TBL1X: variants seen among roughly 807,000 people sequenced by gnomAD.
TBL1X encodes F-box-like/WD repeat-containing protein TBL1X.
In TBL1X, 10 loss-of-function variants were observed where a neutral mutation model predicts 50.7. That is an observed-to-expected ratio of 0.20 (90% CI 0.12 to 0.33). The LOEUF (loss-of-function observed/expected upper bound fraction) is 0.33, where lower values mean the gene tolerates loss of function less well. Among genes scored for constraint, TBL1X ranks in the 10% least tolerant of loss-of-function variants. TBL1X has a pLI of 1.00. For missense variants in TBL1X, 340 were observed against 504.4 expected, an observed-to-expected ratio of 0.67 and a Z score of 3.12; for synonymous variants, 190 against 214.7, an observed-to-expected ratio of 0.88 and a Z score of 1.01.
At chrX:9,492,514 C>A (rs2081949678) in intron 1 of TBL1X, among the ~76,000 whole-genome samples, 1 of 111,756 alleles carries the variant, frequency 8.9e-6, no homozygotes. Flanking sequence ...TTGGTAATTT[C>A]TAATCATGTT....
At chrX:9,506,206 G>A (rs908408854) in intron 2 of TBL1X, among the ~76,000 whole-genome samples, 1 of 111,822 alleles carries the variant, frequency 8.9e-6, no homozygotes, top group Non-Finnish European at 1.9e-5. Flanking sequence ...TGACTCCTGG[G>A]TAAATAATGA....
intron 2 of TBL1X, among the ~76,000 whole-genome samples, chrX:9,609,575 G>A (rs1425242452): frequency 2.7e-5 from 3 of 111,247 alleles, no homozygotes; most frequent in Non-Finnish European, 5.7e-5. Context: ...TATCACATGT[G>A]TTGCTGGAGA....
At chrX:9,571,234 C>T (rs1231974597) in intron 2 of TBL1X, among the ~76,000 whole-genome samples, 1 of 111,489 alleles carries the variant, frequency 9.0e-6, no homozygotes, top group East Asian at 2.8e-4. Flanking sequence ...CTCGGAGCGT[C>T]TGTGTATGGG....
intron 1 of TBL1X, among the ~76,000 whole-genome samples, chrX:9,469,779 C>G (rs918904686): frequency 4.2e-4 from 47 of 111,961 alleles, no homozygotes; most frequent in African/African-American, 1.5e-3. Flanking sequence ...AGTCACCCCC[C>G]CCAGCCCCGA....
Position 9,665,488 on chromosome X carries a change from GCTATATATATATATATATAT to G in TBL1X, c.211+11167_211+11186del, listed in dbSNP as rs1350101487. Among the ~76,000 whole-genome samples, 4 of 15,065 alleles carry G rather than the reference GCTATATATATATATATATAT, an allele frequency of 2.7e-4. No individual in the cohort carries two copies. The East Asian group carries it at 8.5e-3, about 32-fold the overall frequency. The allele number at this position is 15,065 out of a possible 115,157, so 13.1% of individuals were successfully genotyped here. A position where few individuals can be genotyped will look rare whatever the true frequency, so the allele number is the denominator to read the frequency against. ...AACTTAATTAAAAACTGATATTCAA[GCTATATATATATATATATAT>G]ATATATATATATATATATATATATA... On this transcript the variant is annotated intron_variant, in intron 5 of 17. Transcript: ENST00000645353.
At chrX:9,515,046 G>T (rs956610409) in intron 2 of TBL1X, among the ~76,000 whole-genome samples, 1 of 111,130 alleles carries the variant, frequency 9.0e-6, no homozygotes, top group Admixed American at 9.6e-5. Flanking sequence ...TGTGTATGGG[G>T]TGTGCTCCTT....
At chrX:9,525,001 C>T (rs2082125230) in intron 2 of TBL1X, among the ~76,000 whole-genome samples, 1 of 111,783 alleles carries the variant, frequency 8.9e-6, no homozygotes, top group Admixed American at 9.4e-5. Context: ...ATCACCTGTC[C>T]TTGGAGGGAG....
intron 1 of TBL1X, among the ~76,000 whole-genome samples, chrX:9,470,382 G>A (rs12013003): frequency 2.3e-3 from 262 of 112,793 alleles, no homozygotes; most frequent in African/African-American, 7.8e-3. Context: ...AGCCTCCGGA[G>A]AAGCTGGGAC....
intron 1 of TBL1X, among the ~76,000 whole-genome samples, chrX:9,495,056 G>A (rs926652774): frequency 4.5e-5 from 5 of 111,542 alleles, no homozygotes; most frequent in African/African-American, 1.6e-4. Flanking sequence ...CCTCGTGTGT[G>A]GGATGGGCTC....
intron 2 of TBL1X, among the ~76,000 whole-genome samples, chrX:9,590,292 G>A (rs2082492806): frequency 9.0e-6 from 1 of 111,635 alleles, no homozygotes; most frequent in Non-Finnish European, 1.9e-5. Flanking sequence ...GAAGCTGGGT[G>A]GCAGTTATAT....
At chrX:9,509,986 C>T (rs986581472) in intron 2 of TBL1X, among the ~76,000 whole-genome samples, 7 of 111,534 alleles carry the variant, frequency 6.3e-5, no homozygotes, top group African/African-American at 2.0e-4. Flanking sequence ...TAGAGAGCTA[C>T]ACCTCACTTC....
In TBL1X at chrX:9,603,855, G is replaced by A. The variant is rs192741937; in HGVS notation, c.-130-36418G>A. 9.0e-3 allele frequency among the ~76,000 whole-genome samples: 992 copies of A among 110,830 alleles called. 3 individuals are homozygous for A. Among genetic ancestry groups the A allele is most frequent in the Non-Finnish European group, 0.014 (740 of 52,822 alleles). ...CCCCTTGCTGCTTTTGGTGTTGCTG[G>A]CGGTCCTTGGCTTGTGGGCACAGCA... On this transcript the variant is annotated intron_variant, in intron 2 of 17. Transcript: ENST00000645353.
At chrX:9,530,447 AATT>A (rs760385027) in intron 2 of TBL1X, among the ~76,000 whole-genome samples, 2 of 112,838 alleles carry the variant, frequency 1.8e-5, no homozygotes, top group East Asian at 5.5e-4. Flanking sequence ...TTAAATTTGA[AATT>A]ATTGTCTGGC....
intron 2 of TBL1X, among the ~76,000 whole-genome samples, chrX:9,622,955 G>A (rs1329838170): frequency 8.9e-6 from 1 of 112,320 alleles, no homozygotes; most frequent in Non-Finnish European, 1.9e-5. Flanking sequence ...AGGAACAAGT[G>A]TCTGTTTGAG....
chrX:9,619,359 A>C (rs2146566637), intron 2 of TBL1X, among the ~76,000 whole-genome samples: 1 of 112,150 alleles, frequency 8.9e-6, no homozygotes, highest in Non-Finnish European at 1.9e-5. Context: ...CTCTGCTCTG[A>C]GGATGGCCCA....
intron 2 of TBL1X, among the ~76,000 whole-genome samples, chrX:9,521,765 C>T (rs1017889805): frequency 2.7e-5 from 3 of 111,215 alleles, no homozygotes; most frequent in Non-Finnish European, 3.8e-5. Context: ...GAAAAAAATC[C>T]GTGTTGTTCA....
chrX:9,492,891 GTGTGTGTA>G (rs1304270652), intron 1 of TBL1X, among the ~76,000 whole-genome samples: 7 of 28,432 alleles, frequency 2.5e-4, no homozygotes, highest in Admixed American at 1.0e-3. Flanking sequence ...GTGTGTGTGT[GTGTGTGTA>G]GGGGAGGAAG....
At chrX:9,684,598 T>TAAAAAAAAAAAA (rs3043994) in intron 6 of TBL1X, among the ~76,000 whole-genome samples, 642 of 51,199 alleles carry the variant, frequency 0.013, 33 homozygotes, top group African/African-American at 0.035. Context: ...TCTCTAAAAT[T>TAAAAAAAAAAAA]AAAAAAAAAA....
intron 2 of TBL1X, among the ~76,000 whole-genome samples, chrX:9,616,389 A>C (rs1601796188): frequency 8.9e-6 from 1 of 112,198 alleles, no homozygotes; most frequent in East Asian, 2.8e-4. Context: ...TGGTTGAAAA[A>C]ACAATTTTTT....
Sources: allele counts gnomAD v4.1 joint callset (sites outside exome capture counted in the v4.1 genomes callset), GRCh38; gene constraint gnomAD v4.1.1; transcripts MANE v1.5; gene names NCBI Gene and HGNC (gene_info 2026-07-23, HGNC 2026-07-21).